Variants in CFAP96 observed in about 807,000 individuals in gnomAD.
CFAP96 encodes the protein cilia-and flagella-associated protein 96.
the CFAP96 span, among the ~76,000 whole-genome samples, chr4:185,417,662 T>G: frequency 6.6e-6 from 1 of 152,206 alleles, no homozygotes. Context: ...TACAACTTCG[T>G]GCCTTGAAGA....
the CFAP96 span, chr4:185,436,425 C>A: frequency 8.1e-7 from 1 of 1,239,562 alleles, no homozygotes; most frequent in Non-Finnish European, 1.2e-6. Context: ...TAATAATTCA[C>A]TTGAGGCCGG....
chr4:185,415,428 A>C, the CFAP96 span: 1 of 1,275,540 alleles, frequency 7.8e-7, no homozygotes, highest in Non-Finnish European at 1.1e-6. Context: ...ATATATCCTT[A>C]GTATAGTAAA....
chr4:185,412,702 A>G, the CFAP96 span, among the ~76,000 whole-genome samples: 1 of 152,184 alleles, frequency 6.6e-6, no homozygotes, highest in Non-Finnish European at 1.5e-5. Flanking sequence ...AGTTAAGAAC[A>G]GGCCAGTTAG....
At chr4:185,449,111 T>A in the CFAP96 span, among the ~76,000 whole-genome samples, 1 of 152,212 alleles carries the variant, frequency 6.6e-6, no homozygotes, top group African/African-American at 2.4e-5. Flanking sequence ...CTTCTAAGTA[T>A]ATATGGCTTT....
the CFAP96 span, chr4:185,429,610 A>G: frequency 1.4e-6 from 1 of 690,622 alleles, no homozygotes; most frequent in South Asian, 2.0e-5. Context: ...AATGGTTTAT[A>G]TTTTAAAGCA....
the CFAP96 span, chr4:185,413,701 C>A: frequency 2.5e-6 from 4 of 1,593,152 alleles, no homozygotes; most frequent in Non-Finnish European, 3.4e-6. Context: ...TCCAGTGACT[C>A]CCATAAATAA....
the CFAP96 span, chr4:185,422,468 T>C: frequency 2.5e-6 from 4 of 1,587,370 alleles, no homozygotes; most frequent in African/African-American, 5.5e-5. Context: ...TAAAAAAGAA[T>C]TTTTCAGAAG....
the CFAP96 span, among the ~76,000 whole-genome samples, chr4:185,438,077 C>G: frequency 3.3e-5 from 5 of 151,654 alleles, no homozygotes; most frequent in East Asian, 9.7e-4. Context: ...TTTCATCCTT[C>G]TTGTGCTTGA....
the CFAP96 span, chr4:185,422,381 T>G: frequency 6.0e-6 from 5 of 832,690 alleles, no homozygotes; most frequent in Middle Eastern, 2.8e-4. Context: ...AATATAATCT[T>G]AGTTCATCCT....
At chr4:185,423,294 A>C in the CFAP96 span, among the ~76,000 whole-genome samples, 9 of 152,400 alleles carry the variant, frequency 5.9e-5, no homozygotes, top group South Asian at 1.7e-3. Context: ...AAACATCAAC[A>C]GTAAAGAACT....
the CFAP96 span, among the ~76,000 whole-genome samples, chr4:185,414,665 T>C: frequency 1.3e-5 from 2 of 152,212 alleles, no homozygotes; most frequent in African/African-American, 4.8e-5. Context: ...GTAAATCTCA[T>C]TACTTTGAAT....
chr4:185,411,141 CA>C, the CFAP96 span, among the ~76,000 whole-genome samples: 1 of 146,126 alleles, frequency 6.8e-6, no homozygotes, highest in South Asian at 2.1e-4. Context: ...TTAAAAGACA[CA>C]AGGCATAAAA....
the CFAP96 span, among the ~76,000 whole-genome samples, chr4:185,424,811 T>G: frequency 6.6e-6 from 1 of 152,378 alleles, no homozygotes; most frequent in East Asian, 1.9e-4. Context: ...TTAAGTCTGT[T>G]TCTCTTCTGT....
At chr4:185,415,281 T>C in the CFAP96 span, 1 of 1,602,170 alleles carries the variant, frequency 6.2e-7, no homozygotes, top group Non-Finnish European at 8.5e-7. Context: ...CTTTCATATA[T>C]TTCAAAATAC....
chr4:185,443,614 G>A, the CFAP96 span, among the ~76,000 whole-genome samples: 1 of 151,376 alleles, frequency 6.6e-6, no homozygotes, highest in Admixed American at 6.6e-5. Flanking sequence ...CTCCCAAAGT[G>A]CTGGGATTAC....
chr4:185,422,888 C>T, the CFAP96 span, among the ~76,000 whole-genome samples: 3 of 48,024 alleles, frequency 6.2e-5, no homozygotes, highest in Non-Finnish European at 1.2e-4. Context: ...GAGACAGGGT[C>T]TCACTCTGTC....
At chr4:185,428,300 G>A in the CFAP96 span, among the ~76,000 whole-genome samples, 3 of 152,042 alleles carry the variant, frequency 2.0e-5, no homozygotes, top group East Asian at 1.9e-4. Context: ...CTGGCCGGGC[G>A]CGGTGGCTCA....
At chr4:185,422,953 G>A in the CFAP96 span, among the ~76,000 whole-genome samples, 2 of 152,240 alleles carry the variant, frequency 1.3e-5, no homozygotes, top group East Asian at 3.9e-4. Flanking sequence ...CCGCCTCCTG[G>A]GTGTAAGAGA....
the CFAP96 span, among the ~76,000 whole-genome samples, chr4:185,409,604 T>G: frequency 6.6e-6 from 1 of 152,164 alleles, no homozygotes; most frequent in Admixed American, 6.5e-5. Flanking sequence ...ATAGAAAAAT[T>G]TATAACTTGA....
Sources: allele counts gnomAD v4.1 joint callset (sites outside exome capture counted in the v4.1 genomes callset), GRCh38; gene constraint gnomAD v4.1.1; transcripts MANE v1.5; gene names NCBI Gene and HGNC (gene_info 2026-07-23, HGNC 2026-07-21).